Variants in PAG1 observed in about 807,000 individuals in gnomAD.
PAG1 encodes the protein phosphoprotein associated with glycosphingolipid-enriched microdomains 1.
Under a neutral mutation model 31.7 loss-of-function variants are expected in PAG1, and 23 were observed. That is an observed-to-expected ratio of 0.73 (90% CI 0.52 to 1.03). The LOEUF (loss-of-function observed/expected upper bound fraction) is 1.03. Ranked by LOEUF, PAG1 falls within the 50% of genes least tolerant of loss-of-function variation. The probability of loss-of-function intolerance (pLI) is 0.00; values close to 1 mark genes in which losing one functional copy is unlikely to be tolerated. For missense variants in PAG1, 473 were observed against 540.7 expected, an observed-to-expected ratio of 0.87 and a Z score of 1.24; for synonymous variants, 214 against 210.3, an observed-to-expected ratio of 1.02 and a Z score of -0.15.
chr8:81,073,703 A>T (rs1809130309), intron 1 of PAG1, among the ~76,000 whole-genome samples: 1 of 152,244 alleles, frequency 6.6e-6, no homozygotes, highest in Non-Finnish European at 1.5e-5. Context: ...GATATTGACC[A>T]AGATGAAATT....
intron 1 of PAG1, among the ~76,000 whole-genome samples, chr8:81,099,752 C>G (rs1809581803): frequency 6.6e-6 from 1 of 152,124 alleles, no homozygotes; most frequent in Non-Finnish European, 1.5e-5. Flanking sequence ...CACAAGGGAG[C>G]TTTTTGGGGT....
At chr8:80,979,720 T>C (rs940642130) in intron 8 of PAG1, among the ~76,000 whole-genome samples, 3 of 152,204 alleles carry the variant, frequency 2.0e-5, no homozygotes, top group African/African-American at 7.2e-5. Context: ...GAATTCCAGA[T>C]AGAAGCTATA....
intron 1 of PAG1, among the ~76,000 whole-genome samples, chr8:81,084,588 C>T (rs566855660): frequency 1.3e-5 from 2 of 152,134 alleles, no homozygotes; most frequent in African/African-American, 4.8e-5. Flanking sequence ...AATTATTACC[C>T]TTAATACGAG....
At chr8:81,014,266 T>C (rs1456388124) in intron 3 of PAG1, among the ~76,000 whole-genome samples, 2 of 152,216 alleles carry the variant, frequency 1.3e-5, no homozygotes, top group Non-Finnish European at 2.9e-5. Flanking sequence ...CGGAAATCAT[T>C]CTCAGGCATG....
At chr8:80,997,074 G>A (rs1807689403) in intron 3 of PAG1, among the ~76,000 whole-genome samples, 1 of 150,792 alleles carries the variant, frequency 6.6e-6, no homozygotes, top group Non-Finnish European at 1.5e-5. Context: ...GGTCCACAAG[G>A]ACCATCTTAT....
At chr8:81,087,457 C>A (rs987255415) in intron 1 of PAG1, among the ~76,000 whole-genome samples, 4 of 152,040 alleles carry the variant, frequency 2.6e-5, no homozygotes, top group Admixed American at 2.6e-4. Flanking sequence ...GTTTGCTGAC[C>A]CATTTTAAAG....
chr8:81,011,133 T>C (rs906677646), intron 3 of PAG1, among the ~76,000 whole-genome samples: 2 of 152,238 alleles, frequency 1.3e-5, no homozygotes, highest in Non-Finnish European at 2.9e-5. Context: ...TATTGTTGTA[T>C]GTACAACCTC....
At chr8:81,070,856 C>T (rs1051727384) in intron 1 of PAG1, among the ~76,000 whole-genome samples, 2 of 152,036 alleles carry the variant, frequency 1.3e-5, no homozygotes, top group African/African-American at 4.8e-5. Context: ...AATCTCAAAT[C>T]GAAAATTCTG....
intron 5 of PAG1, among the ~76,000 whole-genome samples, chr8:80,988,023 C>T (rs919115532): frequency 1.3e-5 from 2 of 152,284 alleles, no homozygotes; most frequent in African/African-American, 2.4e-5. Context: ...ATACCATATC[C>T]AATAGGAGAT....
At chr8:80,980,116 CCTGACTG>C (rs953315753) in intron 8 of PAG1, among the ~76,000 whole-genome samples, 14 of 152,196 alleles carry the variant, frequency 9.2e-5, no homozygotes, top group African/African-American at 3.4e-4. Context: ...ATGTGGTCTT[CCTGACTG>C]CTGACTGCTC....
intron 3 of PAG1, among the ~76,000 whole-genome samples, chr8:80,993,833 T>A (rs1157477848): frequency 3.9e-5 from 6 of 152,098 alleles, no homozygotes; most frequent in Non-Finnish European, 1.5e-5. Context: ...CTTGGACTCC[T>A]GGGCTCAAGT....
chr8:80,969,316 T>C lies in PAG1; in HGVS notation c.*7228A>G, dbSNP rs1006647142. On this transcript the variant is annotated 3_prime_UTR_variant, in exon 9 of 9. Transcript: ENST00000220597. ...TTATGAGTCTTATATTAAAAATACA[T>C]AGAAGCTTGTCAAAGGAATGCTCAA... 1 of 152,174 alleles carries C rather than the reference T, an allele frequency of 6.6e-6. No homozygotes were observed. Among genetic ancestry groups the C allele is most frequent in the African/African-American group, 2.4e-5 (1 of 41,452 alleles). 9.4% of individuals were successfully genotyped at this position (152,174 alleles called of 1,614,324 possible).
intron 1 of PAG1, among the ~76,000 whole-genome samples, chr8:81,098,935 G>A (rs1016179870): frequency 9.9e-5 from 15 of 152,176 alleles, no homozygotes; most frequent in African/African-American, 3.6e-4. Flanking sequence ...CACTGAGGCA[G>A]TCTCACAAAC....
At position 81,069,718 on chromosome 8, in the gene PAG1, ATCTC is replaced by A. The variant is rs567011904; in HGVS notation, c.-175+390_-175+393del. ...GCAGTGAGCACTGTGTATCCTATTA[ATCTC>A]TCTATCAAGCCCATGAGACTATCCA... On this transcript the variant is annotated intron_variant, in intron 2 of 8. Transcript: ENST00000220597. Among the ~76,000 whole-genome samples the A allele has an allele frequency of 5.4e-3, 822 of 152,326 alleles. 6 individuals carry two copies. The highest frequency in any genetic ancestry group is 0.017 in the South Asian group (82 of 4,826).
chr8:81,107,812 G>A lies in PAG1; in HGVS notation c.-234+3779C>T, dbSNP rs577943372. Among the ~76,000 whole-genome samples the A allele has an allele frequency of 4.6e-5, 7 of 152,288 alleles. No individual in the cohort carries two copies. The East Asian group carries it at 5.8e-4, about 13-fold the overall frequency. On this transcript the variant is annotated intron_variant, in intron 1 of 8. Coordinates refer to ENST00000220597, the MANE Select transcript of PAG1 (RefSeq NM_018440.4). ...GCGAGCCCTCAGGGGCTGTCTCTGC[G>A]GGGCTGCACATGAACTGCTTGCGTG...
At chr8:81,035,385 A>G (rs1449359552) in intron 2 of PAG1, among the ~76,000 whole-genome samples, 2 of 152,194 alleles carry the variant, frequency 1.3e-5, no homozygotes, top group Non-Finnish European at 2.9e-5. Flanking sequence ...CTACATCTGC[A>G]TGACAATAAC....
chr8:80,991,383 T>A, intron 5 of PAG1, 96 bp downstream of exon 5: 1 of 945,724 alleles, frequency 1.1e-6, no homozygotes, highest in Non-Finnish European at 1.7e-6. Flanking sequence ...CCGTGGGTTC[T>A]ACTCAGGCTG....
chr8:81,052,560 T>C (rs1336943767), intron 2 of PAG1, among the ~76,000 whole-genome samples: 1 of 152,268 alleles, frequency 6.6e-6, no homozygotes, highest in African/African-American at 2.4e-5. Flanking sequence ...TTTACATGTC[T>C]GATCAAAATA....
At chr8:80,996,742 C>T (rs10093838) in intron 3 of PAG1, among the ~76,000 whole-genome samples, 32,052 of 152,012 alleles carry the variant, frequency 0.21, 5,037 homozygotes, top group African/African-American at 0.45. Context: ...CCTCATGTGT[C>T]GGTTTAACTG....
Sources: gnomAD v4.1 joint callset for allele counts (sites outside exome capture counted in the v4.1 genomes callset) on GRCh38, gnomAD v4.1.1 for gene constraint, MANE v1.5 for transcripts, NCBI Gene and HGNC (gene_info 2026-07-23, HGNC 2026-07-21) for gene names.